Variants in RANBP2 observed in about 807,000 individuals in gnomAD.
RANBP2 encodes RAN binding protein 2.
RANBP2 carries 57 observed loss-of-function variants against 303.6 expected under a neutral mutation model. The ratio of observed to expected loss-of-function variants is 0.19; its 90% CI spans 0.15 to 0.23. The LOEUF (loss-of-function observed/expected upper bound fraction) is 0.23, where lower values mean the gene tolerates loss of function less well. Ranked by LOEUF, RANBP2 falls within the 10% of genes least tolerant of loss-of-function variation. The pLI, the probability that RANBP2 is intolerant of heterozygous loss-of-function variation, is 1.00. For synonymous variants in RANBP2, 1,167 were observed against 1,301.5 expected (o/e 0.90, Z 2.23); for missense variants, 3,138 against 3,780.8 (o/e 0.83, Z 4.46).
Position 108,783,927 on chromosome 2 carries a change from C to G in RANBP2, c.*26C>G. The G allele has an allele frequency of 1.3e-6, 2 of 1,578,754 alleles. No individual in the cohort carries two copies. Among genetic ancestry groups the G allele is most frequent in the Non-Finnish European group, 1.7e-6 (2 of 1,148,754 alleles). ...AATCATTGTTGTTCATAGAAAATTT[C>G]ATCTGTATAAGCAGTTGGATTGAAG... On this transcript the variant is annotated 3_prime_UTR_variant, in exon 29 of 29. Transcript: ENST00000283195.
the RANBP2 span, among the ~76,000 whole-genome samples, chr2:109,397,424 TC>T: frequency 6.6e-6 from 1 of 152,294 alleles, no homozygotes; most frequent in East Asian, 1.9e-4. Context: ...CATAGTTTCT[TC>T]CCAGCCACCT....
At chr2:108,994,794 TTATATATATATATATATA>T in the RANBP2 span, among the ~76,000 whole-genome samples, 20 of 114,790 alleles carry the variant, frequency 1.7e-4, no homozygotes, top group Non-Finnish European at 2.3e-4. Context: ...GTGCATTGGG[TTATATATATATATATATA>T]TATATATATA....
chr2:108,743,949 G>A (rs1031489935), intron 7 of RANBP2, among the ~76,000 whole-genome samples: 9 of 152,190 alleles, frequency 5.9e-5, no homozygotes, highest in Admixed American at 2.6e-4. Context: ...ATGATTATAA[G>A]CATAAAATGT....
At chr2:109,485,227 T>A in the RANBP2 span, among the ~76,000 whole-genome samples, 1 of 145,588 alleles carries the variant, frequency 6.9e-6, no homozygotes, top group Non-Finnish European at 1.5e-5. Context: ...GGGAAATCTG[T>A]TTGAAAGAAG....
chr2:109,101,849 G>A, the RANBP2 span, among the ~76,000 whole-genome samples: 4 of 152,120 alleles, frequency 2.6e-5, no homozygotes, highest in South Asian at 2.1e-4. Flanking sequence ...TGTTTTAGGC[G>A]CTGGTGAGCC....
chr2:108,994,552 T>C, the RANBP2 span, among the ~76,000 whole-genome samples: 1 of 152,200 alleles, frequency 6.6e-6, no homozygotes, highest in Non-Finnish European at 1.5e-5. Context: ...CTATTTGCAC[T>C]ATACCAGAAA....
chr2:109,033,053 A>G, the RANBP2 span, among the ~76,000 whole-genome samples: 1 of 152,224 alleles, frequency 6.6e-6, no homozygotes, highest in Non-Finnish European at 1.5e-5. Context: ...CATTTCCTTT[A>G]AACTGATCAC....
At chr2:109,348,591 C>T in the RANBP2 span, among the ~76,000 whole-genome samples, 2 of 152,298 alleles carry the variant, frequency 1.3e-5, no homozygotes, top group African/African-American at 4.8e-5. Context: ...ATCATCTGCA[C>T]CAAGTGCTCG....
the RANBP2 span, among the ~76,000 whole-genome samples, chr2:109,590,009 CAT>C: frequency 7.6e-3 from 1,128 of 149,360 alleles, 8 homozygotes; most frequent in Non-Finnish European, 0.012. Context: ...TTCACATAAT[CAT>C]ATATATATAT....
the RANBP2 span, among the ~76,000 whole-genome samples, chr2:109,007,614 A>C: frequency 6.6e-6 from 1 of 152,198 alleles, no homozygotes; most frequent in Non-Finnish European, 1.5e-5. Context: ...TCCCTCTCAC[A>C]TAGCACAGCC....
At chr2:108,864,064 ATGTGTTACACTAG>A in the RANBP2 span, among the ~76,000 whole-genome samples, 1 of 152,100 alleles carries the variant, frequency 6.6e-6, no homozygotes, top group Admixed American at 6.5e-5. Flanking sequence ...ATAATAGATG[ATGTGTTACACTAG>A]TGTGTAACAC....
chr2:108,814,181 G>A, the RANBP2 span, among the ~76,000 whole-genome samples: 16 of 152,206 alleles, frequency 1.1e-4, 1 homozygote, highest in East Asian at 2.1e-3. Context: ...TTTCCAAATT[G>A]GTTGTACTGT....
the RANBP2 span, among the ~76,000 whole-genome samples, chr2:109,407,335 C>T: frequency 2.6e-5 from 4 of 152,224 alleles, no homozygotes; most frequent in African/African-American, 9.6e-5. Context: ...CAGCATTTCT[C>T]AAGTCTCTTC....
the RANBP2 span, among the ~76,000 whole-genome samples, chr2:109,012,456 C>T: frequency 6.6e-6 from 1 of 152,288 alleles, no homozygotes; most frequent in African/African-American, 2.4e-5. Context: ...CTTTTCCCCC[C>T]AGCCCTGGGA....
the RANBP2 span, among the ~76,000 whole-genome samples, chr2:109,117,856 C>T: frequency 2.0e-5 from 3 of 152,316 alleles, no homozygotes; most frequent in East Asian, 5.8e-4. Flanking sequence ...AAACCTTGCC[C>T]ACACTCATCA....
intron 8 of RANBP2, among the ~76,000 whole-genome samples, chr2:108,747,245 T>C (rs1696585656): frequency 6.6e-6 from 1 of 152,222 alleles, no homozygotes; most frequent in Non-Finnish European, 1.5e-5. Context: ...CTCTTGGAAT[T>C]TGTGGATTTT....
chr2:109,056,705 G>A, the RANBP2 span, among the ~76,000 whole-genome samples: 6 of 152,206 alleles, frequency 3.9e-5, no homozygotes, highest in East Asian at 1.9e-4. Context: ...CTTTTGGTAA[G>A]TTCTTTGATG....
chr2:109,253,956 A>C, the RANBP2 span, among the ~76,000 whole-genome samples: 1 of 151,938 alleles, frequency 6.6e-6, no homozygotes, highest in Non-Finnish European at 1.5e-5. Flanking sequence ...AGGCTGTCAA[A>C]TGTATTGGGA....
chr2:109,427,085 T>TA, the RANBP2 span, among the ~76,000 whole-genome samples: 5 of 152,198 alleles, frequency 3.3e-5, no homozygotes, highest in African/African-American at 1.2e-4. Context: ...TCTCTGGCCC[T>TA]AGCCTCCCTA....
Sources: allele counts gnomAD v4.1 joint callset (sites outside exome capture counted in the v4.1 genomes callset), GRCh38; gene constraint gnomAD v4.1.1; transcripts MANE v1.5; gene names NCBI Gene and HGNC (gene_info 2026-07-23, HGNC 2026-07-21).